MYRIP: variants seen among roughly 807,000 people sequenced by gnomAD.
MYRIP encodes myosin VIIA and Rab interacting protein.
MYRIP carries 49 observed loss-of-function variants against 98.0 expected under a neutral mutation model. That is an observed-to-expected ratio of 0.50 (90% CI 0.40 to 0.63). The LOEUF (loss-of-function observed/expected upper bound fraction) is 0.63. Ranked by LOEUF, MYRIP falls within the 30% of genes least tolerant of loss-of-function variation. The pLI, the probability that MYRIP is intolerant of heterozygous loss-of-function variation, is 0.00. For synonymous variants in MYRIP, 404 were observed against 409.5 expected, an observed-to-expected ratio of 0.99 and a Z score of 0.16; for missense variants, 1,004 against 1,058.2, an observed-to-expected ratio of 0.95 and a Z score of 0.71.
intron 10 of MYRIP, among the ~76,000 whole-genome samples, chr3:40,192,449 T>C (rs1363508618): frequency 6.6e-6 from 1 of 150,600 alleles, no homozygotes; most frequent in Non-Finnish European, 1.5e-5. Context: ...CAATTCCCCT[T>C]GACCACAACC....
chr3:39,916,908 A>G (rs140808219), intron 2 of MYRIP, among the ~76,000 whole-genome samples: 2 of 152,282 alleles, frequency 1.3e-5, no homozygotes, highest in Non-Finnish European at 2.9e-5. Context: ...TAGACATACA[A>G]CAGCCCAAGG....
At chr3:39,837,483 C>T (rs914028284) in intron 1 of MYRIP, among the ~76,000 whole-genome samples, 3 of 152,108 alleles carry the variant, frequency 2.0e-5, no homozygotes, top group Non-Finnish European at 2.9e-5. Context: ...ATCCTTTCCC[C>T]ATTGCTTGTT....
chr3:39,876,355 C>T (rs377601211), intron 1 of MYRIP, among the ~76,000 whole-genome samples: 8 of 152,018 alleles, frequency 5.3e-5, no homozygotes, highest in African/African-American at 1.2e-4. Context: ...AAAGTTAATA[C>T]TGTTATGTGT....
intron 11 of MYRIP, among the ~76,000 whole-genome samples, chr3:40,223,368 G>T (rs1952392479): frequency 6.6e-6 from 1 of 152,160 alleles, no homozygotes; most frequent in Admixed American, 6.5e-5. Context: ...AAATTTGTGA[G>T]CTACTAATAT....
chr3:39,865,549 C>A (rs1942595197), intron 1 of MYRIP, among the ~76,000 whole-genome samples: 1 of 151,908 alleles, frequency 6.6e-6, no homozygotes, highest in Admixed American at 6.6e-5. Flanking sequence ...CAAGGCATAC[C>A]CATGGTCAAC....
intron 3 of MYRIP, among the ~76,000 whole-genome samples, chr3:40,108,266 C>T (rs540520951): frequency 1.8e-3 from 120 of 68,300 alleles, no homozygotes; most frequent in Admixed American, 2.6e-3. Flanking sequence ...CTACAACCAG[C>T]TTGTGTGAAA....
chr3:40,078,736 T>TAAA (rs1948410582), intron 3 of MYRIP, among the ~76,000 whole-genome samples: 1 of 152,148 alleles, frequency 6.6e-6, no homozygotes, highest in African/African-American at 2.4e-5. Flanking sequence ...TTAGCACTTG[T>TAAA]AAAATCACTT....
At chr3:39,812,546 T>C (rs1940735106) in intron 1 of MYRIP, among the ~76,000 whole-genome samples, 1 of 152,244 alleles carries the variant, frequency 6.6e-6, no homozygotes, top group Admixed American at 6.5e-5. Flanking sequence ...TAAGAGCTTT[T>C]TCATAGGGTG....
At chr3:39,896,562 C>G (rs1282856498) in intron 1 of MYRIP, among the ~76,000 whole-genome samples, 1 of 152,168 alleles carries the variant, frequency 6.6e-6, no homozygotes, top group Non-Finnish European at 1.5e-5. Flanking sequence ...ATTTAGGTTT[C>G]TCTATAGTTG....
intron 2 of MYRIP, among the ~76,000 whole-genome samples, chr3:39,928,131 A>G (rs1944458233): frequency 6.6e-6 from 1 of 152,018 alleles, no homozygotes; most frequent in Non-Finnish European, 1.5e-5. Flanking sequence ...AACTCACTCA[A>G]TATAAAATAG....
intron 2 of MYRIP, among the ~76,000 whole-genome samples, chr3:39,988,399 G>A (rs1575441058): frequency 1.3e-5 from 2 of 152,116 alleles, no homozygotes; most frequent in South Asian, 4.2e-4. Flanking sequence ...TAGTTTGATG[G>A]GCTTCCCTTT....
intron 15 of MYRIP, 67 bp from the exon 16 acceptor site, chr3:40,251,814 G>GC (rs1377452818): frequency 8.8e-7 from 1 of 1,130,060 alleles, no homozygotes; most frequent in Non-Finnish European, 1.3e-6. Flanking sequence ...TGGCCACCTT[G>GC]TTTTTTCCTT....
At chr3:40,033,429 GACAA>G (rs1285744011) in intron 2 of MYRIP, among the ~76,000 whole-genome samples, 9 of 152,002 alleles carry the variant, frequency 5.9e-5, no homozygotes, top group Non-Finnish European at 1.3e-4. Context: ...ACCAATAACA[GACAA>G]ACAGAGACCC....
chr3:39,878,393 G>C (rs1237656432), intron 1 of MYRIP, among the ~76,000 whole-genome samples: 1 of 152,158 alleles, frequency 6.6e-6, no homozygotes, highest in Non-Finnish European at 1.5e-5. Flanking sequence ...GTGAGATGAA[G>C]CCGGTACCTC....
At chr3:40,019,953 A>T (rs976699417) in intron 2 of MYRIP, among the ~76,000 whole-genome samples, 24 of 152,186 alleles carry the variant, frequency 1.6e-4, no homozygotes, top group African/African-American at 5.1e-4. Context: ...GATTATTTTA[A>T]AGTTCCTTCT....
At chr3:40,245,309 G>T (rs1307326401) in intron 13 of MYRIP, among the ~76,000 whole-genome samples, 2 of 152,084 alleles carry the variant, frequency 1.3e-5, no homozygotes, top group South Asian at 2.1e-4. Flanking sequence ...TCAAACTAGG[G>T]TCTACAGATA....
rs138905688 is a variant in MYRIP at position 40,225,254 on chromosome 3, C to A, written c.1906-8605C>A. ...ATCCTTTCTCGCTTGTGGTCATTGG[C>A]AGCTCAGTTCTAGGTGGGCTCTGGA... On this transcript the variant is annotated intron_variant, in intron 11 of 16. Transcript: ENST00000302541. Among the ~76,000 whole-genome samples the A allele has an allele frequency of 6.8e-4, 104 of 152,250 alleles. 1 individual carries two copies. The highest frequency in any genetic ancestry group is 1.9e-3 in the African/African-American group (79 of 41,550).
At chr3:40,184,102 C>T (rs958758994) in intron 9 of MYRIP, among the ~76,000 whole-genome samples, 3 of 152,134 alleles carry the variant, frequency 2.0e-5, no homozygotes, top group Non-Finnish European at 4.4e-5. Context: ...TTTTTAAGTG[C>T]ATTTTTCTTT....
chr3:40,097,548 G>A (rs1434015991), intron 3 of MYRIP, among the ~76,000 whole-genome samples: 1 of 152,134 alleles, frequency 6.6e-6, no homozygotes, highest in Non-Finnish European at 1.5e-5. Context: ...AGATGGAGTA[G>A]ATCTTTCTAT....
Sources: gnomAD v4.1 joint callset for allele counts (sites outside exome capture counted in the v4.1 genomes callset) on GRCh38, gnomAD v4.1.1 for gene constraint, MANE v1.5 for transcripts, NCBI Gene and HGNC (gene_info 2026-07-23, HGNC 2026-07-21) for gene names.